NOC4L: variants seen among roughly 807,000 people sequenced by gnomAD.
The protein encoded by NOC4L is nucleolar complex protein 4 homolog.
A neutral mutation model predicts 62.8 loss-of-function variants in NOC4L; 40 were observed. The ratio of observed to expected loss-of-function variants is 0.64; its 90% confidence interval spans 0.49 to 0.83. The LOEUF (loss-of-function observed/expected upper bound fraction) is 0.83, where lower values mean the gene tolerates loss of function less well. NOC4L is among the 40% of genes least tolerant of loss of function. The pLI is 0.00. For synonymous variants in NOC4L, 433 were observed against 299.8 expected (o/e 1.44, Z -4.59); for missense variants, 927 against 701.9 (o/e 1.32, Z -3.62).
chr12:132,151,148 G>C, intron 10 of NOC4L, 107 bp downstream of exon 10: 1 of 1,411,510 alleles, frequency 7.1e-7, no homozygotes, highest in Non-Finnish European at 1.0e-6. Flanking sequence ...CACAGGCCAT[G>C]GTGTTGGAGT....
intron 1 of NOC4L, 77 bp downstream of exon 1, chr12:132,144,682 C>T: frequency 2.7e-6 from 4 of 1,456,560 alleles, no homozygotes; most frequent in Non-Finnish European, 3.6e-6. Context: ...GCGGCAGGTC[C>T]CCAGGAGGTT....
chr12:132,151,022 T>G lies in NOC4L; in HGVS notation c.943T>G (p.Leu315Val). The change falls in exon 10 of 15, where the codon TTG becomes GTG. Residue 315 changes from leucine to valine, a missense_variant. Coordinates refer to ENST00000330579, the MANE Select transcript of NOC4L (RefSeq NM_024078.3). ...CTTGGCCTTGAACGGGCTGTTCATCTTGATTCACAAACACAACCTGTGAGT... is the reference window on the plus strand; with the variant it reads ...CTTGGCCTTGAACGGGCTGTTCATCGTGATTCACAAACACAACCTGTGAGT... ...SLLALNGLFI[L>V]IHKHNLEYPD... is the part of the protein sequence containing the mutation. The G allele has an allele frequency of 6.2e-7, 1 of 1,611,438 alleles. No homozygotes were observed. Among genetic ancestry groups the G allele is most frequent in the Non-Finnish European group, 8.5e-7 (1 of 1,179,224 alleles).
At chr12:132,150,838 G>T (rs1359018009) in intron 9 of NOC4L, 143 bp from the exon 10 acceptor site, 1 of 669,142 alleles carries the variant, frequency 1.5e-6, no homozygotes, top group Non-Finnish European at 2.6e-6. Flanking sequence ...CCTGCATGTG[G>T]TCTCCAGCTT....
At chr12:132,151,096 C>T in intron 10 of NOC4L, 55 bp downstream of exon 10, 1 of 1,529,234 alleles carries the variant, frequency 6.5e-7, no homozygotes, top group Non-Finnish European at 9.0e-7. Context: ...CCCTGCTCCT[C>T]TGTCCCCTTC....
chr12:132,145,283 G>A (rs1205413975), intron 2 of NOC4L, among the ~76,000 whole-genome samples: 1 of 152,218 alleles, frequency 6.6e-6, no homozygotes, highest in Non-Finnish European at 1.5e-5. Context: ...TCCCCATCCT[G>A]GGGACGTCAG....
rs368079035 is a variant in NOC4L, at chr12:132,152,443, A to C, written c.*42A>C. ...AATAAATCTCAGCTGACCCCAGCCC[A>C]CCTGTGAATAAATGTTTTTGCAGGA... is the stretch of plus-strand genomic sequence containing the variant. On this transcript the variant is annotated 3_prime_UTR_variant, in exon 15 of 15. Transcript: ENST00000330579. The C allele has an allele frequency of 6.5e-7, 1 of 1,533,192 alleles. No individual in the cohort carries two copies. The highest frequency in any genetic ancestry group is 1.4e-5 in the African/African-American group (1 of 72,546). 95.0% of individuals were successfully genotyped at this position (1,533,192 alleles called of 1,614,324 possible).
chr12:132,144,996 G>C, intron 2 of NOC4L, 22 bp downstream of exon 2: 1 of 1,577,714 alleles, frequency 6.3e-7, no homozygotes, highest in Non-Finnish European at 8.6e-7. Flanking sequence ...AGGGCCCCGG[G>C]GCTGCTCTTC....
chr12:132,145,725 C>A, intron 3 of NOC4L, 60 bp downstream of exon 3: 3 of 1,239,828 alleles, frequency 2.4e-6, no homozygotes, highest in Non-Finnish European at 2.3e-6. Flanking sequence ...CCCAGGTTAT[C>A]CACAAAGCAG....
rs531572514 is a variant in NOC4L at position 132,147,870 on chromosome 12, G to C, written c.604-10G>C. On this transcript the variant is annotated splice_polypyrimidine_tract_variant and intron_variant, in intron 5 of 14. Coordinates refer to ENST00000330579, the MANE Select transcript of NOC4L (RefSeq NM_024078.3). Reference sequence around the variant, plus strand: ...GGGCGGCGTCCAGGCACTCAGGCCAGGCTCCGCAGGTGCCCCCCGCCTTTT... The same window carrying C: ...GGGCGGCGTCCAGGCACTCAGGCCACGCTCCGCAGGTGCCCCCCGCCTTTT... The C allele has an allele frequency of 3.7e-5, 59 of 1,609,546 alleles. 1 individual carries two copies. In the South Asian group the frequency reaches 6.0e-4, roughly 16 times the overall value.
Position 132,151,782 on chromosome 12 carries a change from C to T in NOC4L, c.1279C>T (p.Gln427Ter). 6.2e-7 allele frequency: 1 copy of T among 1,612,336 alleles called. No homozygotes were observed. The highest frequency in any genetic ancestry group is 1.1e-5 in the South Asian group (1 of 91,082). Residue 427 changes from glutamine (Q) to a stop codon, truncating the protein, a stop_gained, in exon 13 of 15, where the codon CAG becomes TAG. Coordinates refer to ENST00000330579, the MANE Select transcript of NOC4L (RefSeq NM_024078.3). LOFTEE classifies it high-confidence loss of function. ...CGACCCTGGAGAGGAGGACCCAGCC[C>T]AGAGCCGGGCCTTGGAGAGCTCCCT... ...PYDPGEEDPA[Q>*]SRALESSLWE... is the part of the protein sequence containing the mutation.
rs771464879 is a variant in NOC4L, at chr12:132,151,587, A to T, written c.1177A>T (p.Asn393Tyr). The change falls in exon 12 of 15, where the codon AAC becomes TAC. Residue 393 changes from asparagine to tyrosine, a missense_variant. Asn to Tyr is a moderately radical substitution (Grantham distance 143, BLOSUM62 -2). Transcript: ENST00000330579. ...ALLMVLPFIC[N>Y]LLRRHPACRV... ...GCTCATGGTCCTGCCTTTCATCTGTAACCTGCTGCGCCGGCACCCTGCCTG... is the reference window on the plus strand; with the variant it reads ...GCTCATGGTCCTGCCTTTCATCTGTTACCTGCTGCGCCGGCACCCTGCCTG... The T allele has an allele frequency of 6.2e-7, 1 of 1,611,128 alleles. No individual in the cohort carries two copies. The highest frequency in any genetic ancestry group is 8.5e-7 in the Non-Finnish European group (1 of 1,179,390).
chr12:132,147,082 A>G (rs773644380), intron 3 of NOC4L, among the ~76,000 whole-genome samples, 199 bp from the exon 4 acceptor site: 3 of 152,196 alleles, frequency 2.0e-5, no homozygotes, highest in Non-Finnish European at 4.4e-5. Context: ...CTCTTTAACT[A>G]GAGATCTTGT....
chr12:132,147,723 T>C lies in NOC4L; in HGVS notation c.544T>C (p.Tyr182His). The C allele has an allele frequency of 6.2e-7, 1 of 1,612,820 alleles. No homozygotes were observed. The highest frequency in any genetic ancestry group is 8.5e-7 in the Non-Finnish European group (1 of 1,179,944). Residue 182 changes from tyrosine to histidine, a missense_variant, in exon 5 of 15, where the codon TAC becomes CAC. Physicochemically the swap from Tyr to His is moderately conservative, Grantham distance 83. Transcript: ENST00000330579. ...REYLDYDDTRYHTMQAAVDAV... is the reference protein window; with the variant it reads ...REYLDYDDTRHHTMQAAVDAV... The stretch of plus-strand genomic sequence containing the variant: ...GTACCTGGACTACGACGACACCCGC[T>C]ACCACACCATGCAGGCAGCCGTGGA...
chr12:132,151,858 C>T (rs1257783478), intron 13 of NOC4L, 38 bp downstream of exon 13: 4 of 1,586,526 alleles, frequency 2.5e-6, no homozygotes, highest in Admixed American at 1.7e-5. Flanking sequence ...GCCTCCCGAG[C>T]CATCCTTCGG....
chr12:132,144,868 G>A lies in NOC4L; in HGVS notation c.132G>A (p.Glu44=), dbSNP rs1897648689. ...ILAVLQSEDQ[E]EIQEAVRTCS... is the part of the protein sequence containing the mutation. ...CTCTCCTGCAGTCTGAGGACCAGGAGGAGATCCAGGAAGCAGTCCGCACGT... is the reference window on the plus strand; with the variant it reads ...CTCTCCTGCAGTCTGAGGACCAGGAAGAGATCCAGGAAGCAGTCCGCACGT... Residue 44 remains glutamate (E), a synonymous_variant, in exon 2 of 15, where the codon GAG becomes GAA. Transcript: ENST00000330579. 1.9e-6 allele frequency: 3 copies of A among 1,601,546 alleles called. No homozygotes were observed. Among genetic ancestry groups the A allele is most frequent in the Non-Finnish European group, 2.6e-6 (3 of 1,175,826 alleles).
chr12:132,151,795 T>C lies in NOC4L; in HGVS notation c.1292T>C (p.Leu431Ser), dbSNP rs1872976835. The change falls in exon 13 of 15, where the codon TTG becomes TCG. Residue 431 changes from leucine to serine, a missense_variant. Physicochemically the swap from Leu to Ser is moderately radical, Grantham distance 145. Transcript: ENST00000330579. ...GAGGACCCAGCCCAGAGCCGGGCCT[T>C]GGAGAGCTCCCTGTGGGAGCTTCAG... ...GEEDPAQSRA[L>S]ESSLWELQAL... is the part of the protein sequence containing the mutation. The C allele has an allele frequency of 6.2e-7, 1 of 1,612,156 alleles. No individual in the cohort carries two copies.
chr12:132,151,010 G>A lies in NOC4L; in HGVS notation c.931G>A (p.Gly311Arg), dbSNP rs761201953. 49 of 1,611,040 alleles carry A rather than the reference G, an allele frequency of 3.0e-5. No individual in the cohort carries two copies. The highest frequency in any genetic ancestry group is 3.4e-5 in the Non-Finnish European group (40 of 1,179,138). The change falls in exon 10 of 15, where the codon GGG becomes AGG. Residue 311 changes from glycine to arginine, a missense_variant. Coordinates refer to ENST00000330579, the MANE Select transcript of NOC4L (RefSeq NM_024078.3). ...GGALSLLALNGLFILIHKHNL... is the reference protein window; with the variant it reads ...GGALSLLALNRLFILIHKHNL... ...GGCCCTCAGCCTCTTGGCCTTGAAC[G>A]GGCTGTTCATCTTGATTCACAAACA...
intron 7 of NOC4L, 57 bp downstream of exon 7, chr12:132,148,163 G>GCACCCCA: frequency 6.4e-7 from 1 of 1,563,136 alleles, no homozygotes; most frequent in Non-Finnish European, 8.8e-7. Flanking sequence ...TGTGTGGGGT[G>GCACCCCA]CATGTGAGAC....
rs762998432 is a variant in NOC4L, at chr12:132,151,336, C to A, written c.1041C>A (p.Phe347Leu). Reference sequence around the variant, plus strand: ...TTCACGTCAAGTACCGCGCCCGCTTCTTCCACCTGGCTGACCTCTTCCTGT... The same window carrying A: ...TTCACGTCAAGTACCGCGCCCGCTTATTCCACCTGGCTGACCTCTTCCTGT... ...SVFHVKYRAR[F>L]FHLADLFLSS... Residue 347 changes from phenylalanine to leucine, a missense_variant, in exon 11 of 15, where the codon TTC becomes TTA. Physicochemically the swap from Phe to Leu is conservative, Grantham distance 22 (BLOSUM62 0). Coordinates refer to ENST00000330579, the MANE Select transcript of NOC4L (RefSeq NM_024078.3). The A allele has an allele frequency of 1.9e-6, 3 of 1,611,360 alleles. No homozygotes were observed. The highest frequency in any genetic ancestry group is 2.2e-5 in the East Asian group (1 of 44,884).
Sources: allele counts gnomAD v4.1 joint callset (sites outside exome capture counted in the v4.1 genomes callset), GRCh38; gene constraint gnomAD v4.1.1; transcripts MANE v1.5; gene names NCBI Gene and HGNC (gene_info 2026-07-23, HGNC 2026-07-21).